The following RADIL variants were observed in gnomAD, a reference collection of about 807,000 sequenced individuals.
The protein encoded by RADIL is ras-associating and dilute domain-containing protein.
In RADIL, 99 loss-of-function variants were observed where a neutral mutation model predicts 97.6. The observed-to-expected ratio is 1.01, with a 90% CI of 0.86 to 1.20. The LOEUF (loss-of-function observed/expected upper bound fraction) is 1.20, where lower values mean the gene tolerates loss of function less well. Ranked by LOEUF, RADIL falls within the 50% of genes most tolerant of loss-of-function variation. The pLI is 0.00. For synonymous variants in RADIL, 803 were observed against 691.8 expected, an observed-to-expected ratio of 1.16 and a Z score of -2.52; for missense variants, 1,765 against 1,498.9, an observed-to-expected ratio of 1.18 and a Z score of -2.93.
In RADIL at chr7:4,836,490, C is replaced by T. The variant is rs775613198; in HGVS notation, c.651G>A (p.Glu217=). The T allele has an allele frequency of 6.2e-7, 1 of 1,607,768 alleles. No individual in the cohort carries two copies. Among genetic ancestry groups the T allele is most frequent in the East Asian group, 2.2e-5 (1 of 44,776 alleles). Residue 217 remains glutamate (E), a synonymous_variant, in exon 3 of 15, where the codon GAG becomes GAA. Coordinates refer to ENST00000399583, the MANE Select transcript of RADIL (RefSeq NM_018059.5). ...GGGCGTTCACTGGGCTCAGGCTGGTCTCACTGACTGTGCGGCGCAACCGGG... is the reference window on the plus strand; with the variant it reads ...GGGCGTTCACTGGGCTCAGGCTGGTTTCACTGACTGTGCGGCGCAACCGGG... The part of the protein sequence containing the change: ...PPPRLRRTVS[E]TSLSPVNALP...
chr7:4,861,071 C>A (rs1783978704), intron 2 of RADIL: 1 of 1,614,068 alleles, frequency 6.2e-7, no homozygotes, highest in Admixed American at 1.7e-5. Context: ...CCAGGAAACA[C>A]CTCCGAGGAA....
intron 1 of RADIL, among the ~76,000 whole-genome samples, chr7:4,882,654 T>C (rs1784510027): frequency 6.6e-6 from 1 of 152,120 alleles, no homozygotes; most frequent in Non-Finnish European, 1.5e-5. Context: ...CACTCAGCTC[T>C]CTCCCCTCCT....
In RADIL at chr7:4,860,214, T is replaced by G. The variant is rs759344020; in HGVS notation, c.535+17391A>C. 1.2e-6 allele frequency: 2 copies of G among 1,613,950 alleles called. No homozygotes were observed. The highest frequency in any genetic ancestry group is 2.7e-5 in the African/African-American group (2 of 74,946). On this transcript the variant is annotated intron_variant, in intron 2 of 14. Coordinates refer to ENST00000399583, the MANE Select transcript of RADIL (RefSeq NM_018059.5). ...CTAGTAGATGAAGGCACAGACATGC[T>G]GTTTTCACAGCCTGCAGACAAGTCA...
At position 4,814,461 on chromosome 7, in the gene RADIL, T is replaced by C. The variant is rs1782623950; in HGVS notation, c.2139+817A>G. ...CCACTGTCACCATCACAGTACAGCA[T>C]GTTCAGCGTTTTCCAGGCAGGAGAG... On this transcript the variant is annotated intron_variant, in intron 9 of 14. Transcript: ENST00000399583. This position sits in a 1 kb window ranked among gnomAD's most constrained non-coding sequence, Gnocchi z 4.5. Among the ~76,000 whole-genome samples the C allele has an allele frequency of 6.6e-6, 1 of 151,904 alleles. No individual in the cohort carries two copies. The highest frequency in any genetic ancestry group is 2.4e-5 in the African/African-American group (1 of 41,322).
intron 12 of RADIL, 36 bp from the exon 13 acceptor site, chr7:4,800,346 G>A: frequency 7.0e-7 from 1 of 1,418,704 alleles, no homozygotes; most frequent in Non-Finnish European, 9.2e-7. Context: ...TGGGAGTGAG[G>A]CGCCAGGAAT....
chr7:4,870,625 G>A (rs1444141065), intron 2 of RADIL, among the ~76,000 whole-genome samples: 3 of 152,080 alleles, frequency 2.0e-5, no homozygotes, highest in Non-Finnish European at 4.4e-5. Flanking sequence ...TATATTTTTA[G>A]TAGAGACGGG....
chr7:4,817,329 G>A lies in RADIL; in HGVS notation c.1638C>T (p.Ser546=). 1 of 1,612,232 alleles carries A rather than the reference G, an allele frequency of 6.2e-7. No homozygotes were observed. The highest frequency in any genetic ancestry group is 1.1e-5 in the South Asian group (1 of 91,024). The stretch of plus-strand genomic sequence containing the variant: ...CCTCCTCGCTGGCCGTCAGCGTGCA[G>A]GAGAACAGCGATTCCTTCGAGCCTG... ...DITGSKESLF[S]CTLTASEEAM... is the part of the protein sequence containing the mutation. The change falls in exon 7 of 15, where the codon TCC becomes TCT. Residue 546 remains serine, a synonymous_variant. Coordinates refer to ENST00000399583, the MANE Select transcript of RADIL (RefSeq NM_018059.5). The surrounding 1 kb of genome is among the most constrained non-coding windows in gnomAD (Gnocchi z 8.3).
intron 4 of RADIL, among the ~76,000 whole-genome samples, chr7:4,832,772 C>G (rs1385283042): frequency 1.4e-5 from 2 of 145,306 alleles, no homozygotes; most frequent in East Asian, 4.0e-4. Context: ...AAGAATTATT[C>G]TTGCCTTAGT....
chr7:4,807,052 G>C (rs913661924), intron 9 of RADIL, among the ~76,000 whole-genome samples: 1 of 152,074 alleles, frequency 6.6e-6, no homozygotes, highest in Non-Finnish European at 1.5e-5. Context: ...TGCCTTCCCC[G>C]CGCCCTCCAC....
At chr7:4,857,894 ATAAAAAT>A (rs1783872220) in intron 2 of RADIL, 2 of 152,650 alleles carry the variant, frequency 1.3e-5, no homozygotes, top group South Asian at 4.1e-4. Context: ...CATTCAGGTA[ATAAAAAT>A]TAGAAATAAA....
In RADIL at chr7:4,799,717, C is replaced by A; in HGVS notation, c.3035G>T (p.Ser1012Ile). ...GLYIQTLLPGSPAAADGRLSL... is the reference protein window; with the variant it reads ...GLYIQTLLPGIPAAADGRLSL... ...CAGGCGCCCGTCGGCCGCTGCGGGGCTGCCCGGGAGCAGGGTCTGGATGTA... is the reference window on the plus strand; with the variant it reads ...CAGGCGCCCGTCGGCCGCTGCGGGGATGCCCGGGAGCAGGGTCTGGATGTA... Residue 1012 changes from serine to isoleucine, a missense_variant, in exon 14 of 15, where the codon AGC becomes ATC. Physicochemically the swap from Ser to Ile is moderately radical, Grantham distance 142. Coordinates refer to ENST00000399583, the MANE Select transcript of RADIL (RefSeq NM_018059.5). 1 of 1,567,070 alleles carries A rather than the reference C, an allele frequency of 6.4e-7. No homozygotes were observed.
intron 10 of RADIL, among the ~76,000 whole-genome samples, chr7:4,804,949 T>C (rs139829556): frequency 0.019 from 2,848 of 150,054 alleles, 39 homozygotes; most frequent in Middle Eastern, 0.059. Context: ...CAAAAATTAG[T>C]TGGGCGTGGT....
intron 2 of RADIL, chr7:4,859,690 A>G: frequency 3.5e-6 from 2 of 573,406 alleles, no homozygotes; most frequent in South Asian, 2.2e-5. Flanking sequence ...GTTTTACTGA[A>G]TTCTTGATAA....
At position 4,799,467 on chromosome 7, in the gene RADIL, G is replaced by A. The variant is rs749740286; in HGVS notation, c.3139C>T (p.Arg1047Cys). ...LGYLRAVDLI[R>C]HGGKKMRFLV... ...AACCGCATCTTCTTCCCGCCATGAC[G>A]GATCAGGTCCACAGCTCTGAAATCC... is the stretch of plus-strand genomic sequence containing the variant. The change falls in exon 15 of 15, where the codon CGT becomes TGT. Residue 1047 changes from arginine (R) to cysteine (C), a missense_variant. Physicochemically the swap from Arg to Cys is radical, Grantham distance 180 (BLOSUM62 -3). Coordinates refer to ENST00000399583, the MANE Select transcript of RADIL (RefSeq NM_018059.5). 12 of 1,613,860 alleles carry A rather than the reference G, an allele frequency of 7.4e-6. No homozygotes were observed. Among genetic ancestry groups the A allele is most frequent in the East Asian group, 2.2e-5 (1 of 44,894 alleles).
In RADIL at chr7:4,800,025, C is replaced by G. The variant is rs1231207960; in HGVS notation, c.2982+146G>C. The stretch of plus-strand genomic sequence containing the variant: ...GTGGCCGTTGGACAGGCTGGGTTCC[C>G]CTCCCAGCTGCAGAGGCCAACCCCA... On this transcript the variant is annotated intron_variant, in intron 13 of 14. Transcript: ENST00000399583. The G allele has an allele frequency of 6.2e-6, 8 of 1,286,890 alleles. No homozygotes were observed. The South Asian group carries it at 9.3e-5, about 15-fold the overall frequency. 79.7% of individuals were successfully genotyped at this position (1,286,890 alleles called of 1,614,324 possible).
chr7:4,858,292 A>T (rs1783885091), intron 2 of RADIL: 1 of 152,332 alleles, frequency 6.6e-6, no homozygotes, highest in East Asian at 1.9e-4. Flanking sequence ...GAGGGGTTAA[A>T]GCAAGGCTAA....
At chr7:4,860,395 T>A (rs1425074562) in intron 2 of RADIL, 4 of 1,613,978 alleles carry the variant, frequency 2.5e-6, no homozygotes, top group Non-Finnish European at 3.4e-6. Context: ...TACTATTCAC[T>A]GCTTGCCTAT....
At chr7:4,863,961 A>G (rs1016089184) in intron 2 of RADIL, among the ~76,000 whole-genome samples, 4 of 152,196 alleles carry the variant, frequency 2.6e-5, no homozygotes, top group African/African-American at 9.7e-5. Context: ...TTCCAGCCCT[A>G]GAGACTTCCT....
At chr7:4,848,194 G>C (rs1015977908) in intron 2 of RADIL, among the ~76,000 whole-genome samples, 5 of 146,776 alleles carry the variant, frequency 3.4e-5, no homozygotes, top group African/African-American at 5.2e-5. Context: ...CACAGACTGG[G>C]TGACTGAGTG....
Sources: gnomAD v4.1 joint callset for allele counts (sites outside exome capture counted in the v4.1 genomes callset) on GRCh38, gnomAD v4.1.1 for gene constraint, Gnocchi (gnomAD v3.1) non-coding constraint, MANE v1.5 for transcripts, NCBI Gene and HGNC (gene_info 2026-07-23, HGNC 2026-07-21) for gene names.